The following DSG3 variants were observed in gnomAD, a reference collection of about 807,000 sequenced individuals.
The protein encoded by DSG3 is desmoglein-3.
A neutral mutation model predicts 85.9 loss-of-function variants in DSG3; 63 were observed. That is an observed-to-expected ratio of 0.73 (90% CI 0.60 to 0.90). DSG3 has a LOEUF of 0.90. Among genes scored for constraint, DSG3 ranks in the 40% least tolerant of loss-of-function variants. The pLI is 0.00. For missense variants in DSG3, 1,220 were observed against 1,219.9 expected, an observed-to-expected ratio of 1.00 and a Z score of 0.00; for synonymous variants, 447 against 441.9, an observed-to-expected ratio of 1.01 and a Z score of -0.14.
chr18:31,456,837 C>T (rs1342748702), intron 2 of DSG3, among the ~76,000 whole-genome samples, 156 bp from the exon 3 acceptor site: 1 of 152,138 alleles, frequency 6.6e-6, no homozygotes, highest in Non-Finnish European at 1.5e-5. Flanking sequence ...ACATTTATTA[C>T]TTGCTTGACA....
chr18:31,458,630 C>A (rs766702592), intron 4 of DSG3, 30 bp downstream of exon 4: 1 of 1,599,072 alleles, frequency 6.3e-7, no homozygotes, highest in African/African-American at 1.3e-5. Flanking sequence ...ATTGGGCTAC[C>A]CTTCTCCTTG....
intron 13 of DSG3, 99 bp downstream of exon 13, chr18:31,472,522 C>A: frequency 7.0e-7 from 1 of 1,431,528 alleles, no homozygotes; most frequent in Non-Finnish European, 9.4e-7. Flanking sequence ...TCTTGACCTT[C>A]AGTTTCAGAG....
In DSG3 at chr18:31,458,694, T is replaced by C. The variant is rs944047590; in HGVS notation, c.372+94T>C. On this transcript the variant is annotated intron_variant, in intron 4 of 15. Transcript: ENST00000257189. ...TTCTACTGGTAAATTTAGAGGAGAGTTCAGTACATGCATCAGTCCACCAGC... is the reference window on the plus strand; with the variant it reads ...TTCTACTGGTAAATTTAGAGGAGAGCTCAGTACATGCATCAGTCCACCAGC... 3 of 1,373,628 alleles carry C rather than the reference T, an allele frequency of 2.2e-6. No homozygotes were observed. In the African/African-American group the frequency reaches 4.4e-5, roughly 20 times the overall value. 85.1% of individuals were successfully genotyped at this position (1,373,628 alleles called of 1,614,324 possible). A position where few individuals can be genotyped will look rare whatever the true frequency, so the allele number is the denominator to read the frequency against.
chr18:31,450,359 T>C (rs975284918), intron 1 of DSG3, among the ~76,000 whole-genome samples: 5 of 152,174 alleles, frequency 3.3e-5, no homozygotes, highest in African/African-American at 1.2e-4. Context: ...ACAGTTTGCT[T>C]TGGAGAATCT....
At position 31,476,339 on chromosome 18, in the gene DSG3, C is replaced by A; in HGVS notation, c.*79C>A. The A allele has an allele frequency of 4.0e-6, 6 of 1,484,862 alleles. No individual in the cohort carries two copies. Among genetic ancestry groups the A allele is most frequent in the Non-Finnish European group, 5.4e-6 (6 of 1,108,122 alleles). 92.0% of individuals were successfully genotyped at this position (1,484,862 alleles called of 1,614,324 possible). A position where few individuals can be genotyped will look rare whatever the true frequency, so the allele number is the denominator to read the frequency against. ...ATTCAAAATAGCATAGCAAAGCTCACTGTATTGGGCTAATAATTTGGCACT... is the reference window on the plus strand; with the variant it reads ...ATTCAAAATAGCATAGCAAAGCTCAATGTATTGGGCTAATAATTTGGCACT... On this transcript the variant is annotated 3_prime_UTR_variant, in exon 16 of 16. Coordinates refer to ENST00000257189, the MANE Select transcript of DSG3 (RefSeq NM_001944.3).
At chr18:31,451,953 T>C (rs2072714179) in intron 1 of DSG3, among the ~76,000 whole-genome samples, 3 of 152,164 alleles carry the variant, frequency 2.0e-5, no homozygotes, top group Admixed American at 2.0e-4. Flanking sequence ...GACAATTTGG[T>C]TACTACTCAT....
Position 31,457,086 on chromosome 18 carries a change from G to T in DSG3, c.178G>T (p.Glu60Ter). The change falls in exon 3 of 16, where the codon GAA (glutamate) becomes TAA (stop). Residue 60 changes from glutamate to a stop codon, truncating the protein, a stop_gained. Transcript: ENST00000257189. LOFTEE classifies it high-confidence loss of function. ...GGTGAAATTTGCCAAACCCTGCAGA[G>T]AAGGAGAAGATAACTCAAAAAGAAA... ...EWVKFAKPCR[E>*]GEDNSKRNPI... The T allele has an allele frequency of 6.2e-7, 1 of 1,612,982 alleles. No homozygotes were observed. The highest frequency in any genetic ancestry group is 8.5e-7 in the Non-Finnish European group (1 of 1,179,546).
At chr18:31,454,102 C>T (rs2072727291) in intron 1 of DSG3, among the ~76,000 whole-genome samples, 1 of 152,080 alleles carries the variant, frequency 6.6e-6, no homozygotes. Context: ...AAGATCATTG[C>T]AATATTCAGA....
Position 31,466,630 on chromosome 18 carries a change from T to C in DSG3, c.1512T>C (p.Ser504=), listed in dbSNP as rs2072820593. ...TAVLEKDAVC[S]SSPSVVVSAR... is the part of the protein sequence containing the mutation. Reference sequence around the variant, plus strand: ...TCCTCGAAAAAGATGCAGTTTGCAGTTCTTCACCTTCCGTGGTTGTCTCCG... The same window carrying C: ...TCCTCGAAAAAGATGCAGTTTGCAGCTCTTCACCTTCCGTGGTTGTCTCCG... Residue 504 remains serine (S), a synonymous_variant, in exon 11 of 16, where the codon AGT becomes AGC. Transcript: ENST00000257189. 3.7e-6 allele frequency: 6 copies of C among 1,614,118 alleles called. No individual in the cohort carries two copies. The highest frequency in any genetic ancestry group is 2.2e-5 in the East Asian group (1 of 44,894).
chr18:31,465,327 G>A lies in DSG3; in HGVS notation c.1281G>A (p.Met427Ile). The change falls in exon 10 of 16, where the codon ATG becomes ATA. Residue 427 changes from methionine to isoleucine, a missense_variant. Met to Ile is a conservative substitution (Grantham distance 10, BLOSUM62 1). Transcript: ENST00000257189. ...NKAASNVKYV[M>I]GRNDGGYLMI... The stretch of plus-strand genomic sequence containing the variant: ...TAATATTATGAAACAGATATGTCAT[G>A]GGACGTAACGATGGTGGATACCTAA... The A allele has an allele frequency of 6.9e-7, 1 of 1,456,138 alleles. No homozygotes were observed. Among genetic ancestry groups the A allele is most frequent in the Non-Finnish European group, 9.1e-7 (1 of 1,099,378 alleles). 90.2% of individuals were successfully genotyped at this position (1,456,138 alleles called of 1,614,324 possible).
In DSG3 at chr18:31,461,356, TG is replaced by T; in HGVS notation, c.945del (p.Trp315CysfsTer15). 6.2e-7 allele frequency: 1 copy of T among 1,613,846 alleles called. No homozygotes were observed. The highest frequency in any genetic ancestry group is 2.2e-5 in the East Asian group (1 of 44,786). ...YFFTSGNEGN[W>X]FEIQTDPRTN... ...CTTTACCTCTGGGAATGAAGGAAATTGGTTTGAAATACAAACTGATCCTAGA... is the reference window on the plus strand; with the variant it reads ...CTTTACCTCTGGGAATGAAGGAAATTGTTTGAAATACAAACTGATCCTAGA... On this transcript the variant is annotated frameshift_variant, in exon 8 of 16. Coordinates refer to ENST00000257189, the MANE Select transcript of DSG3 (RefSeq NM_001944.3). LOFTEE classifies it high-confidence loss of function.
Position 31,476,389 on chromosome 18 carries a change from C to T in DSG3, c.*129C>T, listed in dbSNP as rs774536240. On this transcript the variant is annotated 3_prime_UTR_variant, in exon 16 of 16. Transcript: ENST00000257189. ...TTATTAGCTTCTCTCATAAACTGAT[C>T]ACGATTATAAATTAAATGTTTGGGT... 8 of 1,092,522 alleles carry T rather than the reference C, an allele frequency of 7.3e-6. No individual in the cohort carries two copies. In the African/African-American group the frequency reaches 1.3e-4, roughly 17 times the overall value. The allele number at this position is 1,092,522 out of a possible 1,614,324, so 67.7% of individuals were successfully genotyped here. A position where few individuals can be genotyped will look rare whatever the true frequency, so the allele number is the denominator to read the frequency against.
At chr18:31,473,721 A>G (rs118007772) in intron 14 of DSG3, among the ~76,000 whole-genome samples, 1 of 152,354 alleles carries the variant, frequency 6.6e-6, no homozygotes, top group Non-Finnish European at 1.5e-5. Context: ...GCATGATTAC[A>G]TTACGTATGT....
At chr18:31,469,691 G>A (rs1219247601) in intron 12 of DSG3, among the ~76,000 whole-genome samples, 1 of 152,006 alleles carries the variant, frequency 6.6e-6, no homozygotes, top group African/African-American at 2.4e-5. Context: ...TTTCTAAGAT[G>A]TTTTCTCTAT....
At chr18:31,474,437 T>A in intron 15 of DSG3, 33 bp downstream of exon 15, 1 of 1,571,104 alleles carries the variant, frequency 6.4e-7, no homozygotes, top group Non-Finnish European at 8.6e-7. Flanking sequence ...GGCTTGATTA[T>A]CTTATTTACA....
chr18:31,463,521 C>A (rs890880067), intron 8 of DSG3, among the ~76,000 whole-genome samples: 3 of 152,156 alleles, frequency 2.0e-5, no homozygotes, highest in Non-Finnish European at 4.4e-5. Context: ...GGGGATCAAA[C>A]AAATGGCTAT....
intron 13 of DSG3, 93 bp from the exon 14 acceptor site, chr18:31,472,632 A>C: frequency 7.3e-7 from 1 of 1,378,880 alleles, no homozygotes; most frequent in Non-Finnish European, 1.0e-6. Flanking sequence ...TTGTAATGTT[A>C]TCATTTACAA....
At position 31,472,794 on chromosome 18, in the gene DSG3, T is replaced by G. The variant is rs571448444; in HGVS notation, c.2101+6T>G. ...CGATTTCATGGAAAGTTCTGGTAAG[T>G]GGACATAAAATGTTTGAAAGCAATG... On this transcript the variant is annotated splice_donor_region_variant and intron_variant, in intron 14 of 15. Coordinates refer to ENST00000257189, the MANE Select transcript of DSG3 (RefSeq NM_001944.3). 6 of 1,613,670 alleles carry G rather than the reference T, an allele frequency of 3.7e-6. No individual in the cohort carries two copies. In the East Asian group the frequency reaches 1.3e-4, roughly 36 times the overall value.
chr18:31,454,930 G>A (rs926734234), intron 1 of DSG3, among the ~76,000 whole-genome samples: 4 of 149,886 alleles, frequency 2.7e-5, no homozygotes, highest in Non-Finnish European at 4.4e-5. Context: ...CCCGGGAGAC[G>A]AAGCTTACAT....
Sources: allele counts gnomAD v4.1 joint callset (sites outside exome capture counted in the v4.1 genomes callset), GRCh38; gene constraint gnomAD v4.1.1; transcripts MANE v1.5; gene names NCBI Gene and HGNC (gene_info 2026-07-23, HGNC 2026-07-21).